The following KLHL1 variants were observed in gnomAD, a reference collection of about 807,000 sequenced individuals.
KLHL1 encodes kelch-like protein 1.
KLHL1 carries 47 observed loss-of-function variants against 77.7 expected under a neutral mutation model. The observed-to-expected ratio is 0.60, with a 90% CI of 0.48 to 0.77. The LOEUF (loss-of-function observed/expected upper bound fraction) is 0.77. Among genes scored for constraint, KLHL1 ranks in the 30% least tolerant of loss-of-function variants. The pLI is 0.00. For missense variants in KLHL1, 925 were observed against 910.8 expected (o/e 1.02, Z -0.20); for synonymous variants, 360 against 325.2 (o/e 1.11, Z -1.15).
At chr13:69,807,991 T>G (rs190306812) in intron 6 of KLHL1, among the ~76,000 whole-genome samples, 1 of 152,216 alleles carries the variant, frequency 6.6e-6, no homozygotes, top group East Asian at 1.9e-4. Flanking sequence ...TCTAAACCTT[T>G]GTGTGGATTG....
chr13:69,738,308 G>T (rs1217526292), intron 8 of KLHL1, among the ~76,000 whole-genome samples: 5 of 152,114 alleles, frequency 3.3e-5, no homozygotes, highest in Middle Eastern at 3.2e-3. Context: ...ACACAAAAAT[G>T]CTGAAAACTC....
At chr13:69,879,839 G>A (rs957798068) in intron 5 of KLHL1, among the ~76,000 whole-genome samples, 5 of 151,856 alleles carry the variant, frequency 3.3e-5, no homozygotes, top group African/African-American at 9.7e-5. Flanking sequence ...TGGCAATCAC[G>A]CTGATTCTCA....
chr13:69,836,667 C>T (rs1045275130), intron 6 of KLHL1, among the ~76,000 whole-genome samples: 6 of 151,904 alleles, frequency 3.9e-5, no homozygotes, highest in Admixed American at 6.6e-5. Flanking sequence ...TAATGTTATC[C>T]AGAGCATCTA....
At chr13:69,959,569 AC>A (rs1169998756) in intron 3 of KLHL1, among the ~76,000 whole-genome samples, 3 of 149,718 alleles carry the variant, frequency 2.0e-5, no homozygotes, top group Non-Finnish European at 4.5e-5. Context: ...AAAAAAAAAA[AC>A]ATGGAATTGT....
intron 8 of KLHL1, among the ~76,000 whole-genome samples, chr13:69,721,435 T>C (rs1873059129): frequency 6.6e-6 from 1 of 151,728 alleles, no homozygotes; most frequent in South Asian, 2.1e-4. Flanking sequence ...CCCTTAACTT[T>C]GGTAAAATAA....
At chr13:69,885,917 A>T (rs557175719) in intron 4 of KLHL1, among the ~76,000 whole-genome samples, 1 of 152,290 alleles carries the variant, frequency 6.6e-6, no homozygotes, top group African/African-American at 2.4e-5. Flanking sequence ...TAAACCAGAA[A>T]ATGGGAAATG....
At chr13:70,033,465 T>G (rs549798609) in intron 1 of KLHL1, among the ~76,000 whole-genome samples, 33 of 151,828 alleles carry the variant, frequency 2.2e-4, no homozygotes, top group African/African-American at 8.0e-4. Context: ...AATTTGTTTT[T>G]TTATTTTTAT....
At position 69,890,440 on chromosome 13, in the gene KLHL1, C is replaced by T. The variant is rs113014298; in HGVS notation, c.1015-7945G>A. On this transcript the variant is annotated intron_variant, in intron 4 of 10. Transcript: ENST00000377844. Reference sequence around the variant, plus strand: ...ACACTTTTACTGTGCACTGATTACCCGGTAATTATTTTCAGTGATGGGAAA... The same window carrying T: ...ACACTTTTACTGTGCACTGATTACCTGGTAATTATTTTCAGTGATGGGAAA... 6.3e-3 allele frequency among the ~76,000 whole-genome samples: 952 copies of T among 151,898 alleles called. 12 individuals carry two copies. Among genetic ancestry groups the T allele is most frequent in the African/African-American group, 0.021 (891 of 41,458 alleles).
chr13:70,006,627 A>C (rs1027827063), intron 1 of KLHL1, among the ~76,000 whole-genome samples: 1 of 151,544 alleles, frequency 6.6e-6, no homozygotes, highest in East Asian at 1.9e-4. Context: ...TTTGTTCATC[A>C]GGTATTTTAT....
chr13:70,082,326 C>CACACACACACAA (rs1887413635), intron 1 of KLHL1, among the ~76,000 whole-genome samples: 1 of 136,378 alleles, frequency 7.3e-6, no homozygotes, highest in South Asian at 2.5e-4. Context: ...CACACACACA[C>CACACACACACAA]ACACACACAC....
At position 69,701,559 on chromosome 13, in the gene KLHL1, T is replaced by G; in HGVS notation, c.*143A>C. The stretch of plus-strand genomic sequence containing the variant: ...TTTCCTACTATTCTGTTTGATCTAC[T>G]AACTCTTTCAACATCAGTAGGTAAC... On this transcript the variant is annotated 3_prime_UTR_variant, in exon 11 of 11. Transcript: ENST00000377844. 1 of 632,688 alleles carries G rather than the reference T, an allele frequency of 1.6e-6. No individual in the cohort carries two copies. The highest frequency in any genetic ancestry group is 2.8e-6 in the Non-Finnish European group (1 of 355,578). The allele number at this position is 632,688 out of a possible 1,614,324, so 39.2% of individuals were successfully genotyped here.
At chr13:69,812,650 G>A (rs1396082447) in intron 6 of KLHL1, among the ~76,000 whole-genome samples, 1 of 151,892 alleles carries the variant, frequency 6.6e-6, no homozygotes, top group African/African-American at 2.4e-5. Flanking sequence ...CCATCAAAAA[G>A]TGGGCAAATG....
chr13:69,986,843 C>A (rs1461417233), intron 1 of KLHL1, among the ~76,000 whole-genome samples: 1 of 151,908 alleles, frequency 6.6e-6, no homozygotes, highest in African/African-American at 2.4e-5. Context: ...AAACTTCTGA[C>A]ATACTTATTA....
At chr13:69,960,668 TC>T (rs1884034004) in intron 3 of KLHL1, among the ~76,000 whole-genome samples, 1 of 151,880 alleles carries the variant, frequency 6.6e-6, no homozygotes, top group Admixed American at 6.6e-5. Context: ...TAGTTTATTC[TC>T]TACAAATACA....
intron 6 of KLHL1, among the ~76,000 whole-genome samples, chr13:69,835,116 T>G (rs1229484347): frequency 6.6e-6 from 1 of 152,122 alleles, no homozygotes; most frequent in African/African-American, 2.4e-5. Context: ...TTCAGAGTGT[T>G]AATGGTTTAG....
chr13:69,709,465 T>C (rs544462989), intron 9 of KLHL1, among the ~76,000 whole-genome samples: 1 of 152,120 alleles, frequency 6.6e-6, no homozygotes, highest in East Asian at 1.9e-4. Context: ...AGTAACTAAG[T>C]TAAATGCGAG....
intron 1 of KLHL1, among the ~76,000 whole-genome samples, chr13:69,980,310 C>T (rs1884669417): frequency 6.6e-6 from 1 of 152,072 alleles, no homozygotes; most frequent in African/African-American, 2.4e-5. Flanking sequence ...GTGTTTTTTA[C>T]TTTATGACCT....
chr13:69,768,550 A>G (rs1875418061), intron 7 of KLHL1, among the ~76,000 whole-genome samples: 1 of 152,180 alleles, frequency 6.6e-6, no homozygotes, highest in South Asian at 2.1e-4. Context: ...AGGGTTGTAC[A>G]ATAGTTTGAA....
intron 5 of KLHL1, among the ~76,000 whole-genome samples, chr13:69,841,767 CAA>C (rs766369077): frequency 5.5e-4 from 84 of 151,784 alleles, no homozygotes; most frequent in Non-Finnish European, 1.1e-3. Context: ...CAATCCTGAT[CAA>C]AAAGAACAAA....
Sources: allele counts gnomAD v4.1 joint callset (sites outside exome capture counted in the v4.1 genomes callset), GRCh38; gene constraint gnomAD v4.1.1; transcripts MANE v1.5; gene names NCBI Gene and HGNC (gene_info 2026-07-23, HGNC 2026-07-21).